SMARCA2: variants seen among roughly 807,000 people sequenced by gnomAD.
The protein encoded by SMARCA2 is SWI/SNF related BAF chromatin remodeling complex subunit ATPase 2.
A neutral mutation model predicts 199.8 loss-of-function variants in SMARCA2; 61 were observed. That is an observed-to-expected ratio of 0.31 (90% CI 0.25 to 0.38). SMARCA2 has a LOEUF of 0.38. Among genes scored for constraint, SMARCA2 ranks in the 10% least tolerant of loss-of-function variants. The pLI is 1.00. For missense variants in SMARCA2, 1,344 were observed against 2,012.2 expected, an observed-to-expected ratio of 0.67 and a Z score of 6.35; for synonymous variants, 935 against 732.0, an observed-to-expected ratio of 1.28 and a Z score of -4.48.
intron 29 of SMARCA2, among the ~76,000 whole-genome samples, chr9:2,176,203 T>TTTTTTTTA (rs57519167): frequency 4.0e-4 from 58 of 145,868 alleles, no homozygotes; most frequent in Middle Eastern, 3.4e-3. Context: ...TTTTTTTTTT[T>TTTTTTTTA]ATAATGACGT....
At chr9:2,147,241 C>CAAA (rs5895958) in intron 27 of SMARCA2, among the ~76,000 whole-genome samples, 1 of 106,518 alleles carries the variant, frequency 9.4e-6, no homozygotes, top group Non-Finnish European at 2.0e-5. Context: ...ACTGAGTGAC[C>CAAA]AAAAAAAAAA....
At chr9:2,190,074 C>T (rs1286977690) in intron 32 of SMARCA2, among the ~76,000 whole-genome samples, 1 of 152,170 alleles carries the variant, frequency 6.6e-6, no homozygotes, top group Non-Finnish European at 1.5e-5. Flanking sequence ...TCTGTGGATA[C>T]CTATCCCAAA....
intron 27 of SMARCA2, among the ~76,000 whole-genome samples, chr9:2,127,848 TA>T (rs1336017629): frequency 2.0e-5 from 3 of 152,376 alleles, no homozygotes; most frequent in African/African-American, 7.2e-5. Flanking sequence ...CATGGCATGC[TA>T]AAAATTCCTA....
At chr9:2,040,395 A>G (rs533277518) in intron 4 of SMARCA2, 1 of 170,276 alleles carries the variant, frequency 5.9e-6, no homozygotes, top group South Asian at 2.0e-4. Context: ...AAAATCAGCA[A>G]CAAGGGAAAA....
At position 2,170,401 on chromosome 9, in the gene SMARCA2, C is replaced by G. The variant is rs1826185109; in HGVS notation, c.4200-18C>G. On this transcript the variant is annotated intron_variant, in intron 28 of 33. Coordinates refer to ENST00000349721, the MANE Select transcript of SMARCA2 (RefSeq NM_003070.5). The surrounding 1 kb of genome is among the most constrained non-coding windows in gnomAD (Gnocchi z 4.7). The stretch of plus-strand genomic sequence containing the variant: ...ACCCAGGTCTTCTGACTCTAGTGTT[C>G]TTTCTACTCTACCGCAGGTGTAACG... 6.2e-7 allele frequency: 1 copy of G among 1,614,024 alleles called. No homozygotes were observed. The highest frequency in any genetic ancestry group is 2.2e-5 in the East Asian group (1 of 44,858).
At chr9:2,114,487 C>A (rs1409447531) in intron 24 of SMARCA2, among the ~76,000 whole-genome samples, 1 of 152,164 alleles carries the variant, frequency 6.6e-6, no homozygotes, top group Non-Finnish European at 1.5e-5. Context: ...CAGCTCTCTG[C>A]AAATTATGGT....
At position 2,170,167 on chromosome 9, in the gene SMARCA2, CAG is replaced by C. The variant is rs1420497872; in HGVS notation, c.4200-251_4200-250del. Among the ~76,000 whole-genome samples, 1 of 152,156 alleles carries C rather than the reference CAG, an allele frequency of 6.6e-6. No individual in the cohort carries two copies. Among genetic ancestry groups the C allele is most frequent in the Non-Finnish European group, 1.5e-5 (1 of 68,038 alleles). Reference sequence around the variant, plus strand: ...GAACATGTAAGAGGGAACAGGGTAACAGGAATTTCTGTGTGTGACGGAAGTAG... The same window carrying C: ...GAACATGTAAGAGGGAACAGGGTAACGAATTTCTGTGTGTGACGGAAGTAG... On this transcript the variant is annotated intron_variant, in intron 28 of 33. Coordinates refer to ENST00000349721, the MANE Select transcript of SMARCA2 (RefSeq NM_003070.5). The surrounding 1 kb of genome is among the most constrained non-coding windows in gnomAD (Gnocchi z 4.7).
chr9:2,181,470 G>A (rs1563835450), intron 29 of SMARCA2, 101 bp from the exon 30 acceptor site: 3 of 698,442 alleles, frequency 4.3e-6, no homozygotes, highest in African/African-American at 3.6e-5. Flanking sequence ...TATATGCGTG[G>A]AATATAATTT....
Position 2,105,505 on chromosome 9 carries a change from C to T in SMARCA2, c.3292+1336C>T, listed in dbSNP as rs914518782. 3.3e-5 allele frequency among the ~76,000 whole-genome samples: 5 copies of T among 152,162 alleles called. No individual in the cohort carries two copies. The South Asian group carries it at 6.2e-4, about 19-fold the overall frequency. Reference sequence around the variant, plus strand: ...CTGACCTCAAGTGATCCACCTGCCTCGGCCTCCCACAGTGTTGGGATTACA... The same window carrying T: ...CTGACCTCAAGTGATCCACCTGCCTTGGCCTCCCACAGTGTTGGGATTACA... On this transcript the variant is annotated intron_variant, in intron 23 of 33. Transcript: ENST00000349721.
At chr9:2,126,424 C>G (rs1024012973) in intron 27 of SMARCA2, among the ~76,000 whole-genome samples, 3 of 152,226 alleles carry the variant, frequency 2.0e-5, no homozygotes, top group African/African-American at 7.2e-5. Flanking sequence ...CCTAAGCATT[C>G]AAAGTAGATG....
In SMARCA2 at chr9:2,115,015, A is replaced by C. The variant is rs1355308100; in HGVS notation, c.3457-807A>C. ...TATAGTAGGATACTATAATTCATTTAACTAATTCAGTATTGTTGAATGTTT... is the reference window on the plus strand; with the variant it reads ...TATAGTAGGATACTATAATTCATTTCACTAATTCAGTATTGTTGAATGTTT... On this transcript the variant is annotated intron_variant, in intron 24 of 33. Coordinates refer to ENST00000349721, the MANE Select transcript of SMARCA2 (RefSeq NM_003070.5). The surrounding 1 kb of genome is among the most constrained non-coding windows in gnomAD (Gnocchi z 6.0). 6.6e-6 allele frequency among the ~76,000 whole-genome samples: 1 copy of C among 152,186 alleles called. No homozygotes were observed. Among genetic ancestry groups the C allele is most frequent in the Non-Finnish European group, 1.5e-5 (1 of 68,038 alleles).
rs149236758 is a variant in SMARCA2, at chr9:2,056,846, G to A, written c.1347+1G>A. The A allele has an allele frequency of 6.2e-7, 1 of 1,611,040 alleles. No homozygotes were observed. The highest frequency in any genetic ancestry group is 1.3e-5 in the African/African-American group (1 of 74,566). On this transcript the variant is annotated splice_donor_variant, in intron 7 of 33. Transcript: ENST00000349721. LOFTEE classifies it high-confidence loss of function. The surrounding 1 kb of genome is among the most constrained non-coding windows in gnomAD (Gnocchi z 4.0). ...GAGGAAACGCCGTCAGAAACACCAG[G>A]TTCTTAGACCCTGGGCTTTGCTCAC...
intron 4 of SMARCA2, chr9:2,045,520 T>C (rs972033630): frequency 6.6e-6 from 1 of 152,192 alleles, no homozygotes; most frequent in African/African-American, 2.4e-5. Context: ...TATTTACAAA[T>C]TGGTTTCTTA....
At chr9:2,136,826 G>C (rs1425037122) in intron 27 of SMARCA2, among the ~76,000 whole-genome samples, 1 of 152,166 alleles carries the variant, frequency 6.6e-6, no homozygotes, top group African/African-American at 2.4e-5. Context: ...ACTTTTAGGG[G>C]TTTAAGCTGT....
chr9:2,015,590 A>G (rs1818319192), intron 1 of SMARCA2, among the ~76,000 whole-genome samples, 186 bp downstream of exon 1: 1 of 151,818 alleles, frequency 6.6e-6, no homozygotes, highest in South Asian at 2.1e-4. Flanking sequence ...CCGCGACAAA[A>G]AAAAGCCCGC....
chr9:2,080,715 G>A (rs1228111482), intron 14 of SMARCA2, among the ~76,000 whole-genome samples: 2 of 152,190 alleles, frequency 1.3e-5, no homozygotes, highest in African/African-American at 4.8e-5. Context: ...ATGGTACAAA[G>A]TATCTCAAGT....
intron 27 of SMARCA2, among the ~76,000 whole-genome samples, chr9:2,127,677 G>A (rs6475508): frequency 0.31 from 46,750 of 152,104 alleles, 12,086 homozygotes; most frequent in African/African-American, 0.7. Context: ...CAGCTGCAAA[G>A]GAGATGGAAA....
In SMARCA2 at chr9:2,047,242, G is replaced by A; in HGVS notation, c.804G>A (p.Glu268=). 3 of 1,009,282 alleles carry A rather than the reference G, an allele frequency of 3.0e-6. No individual in the cohort carries two copies. The highest frequency in any genetic ancestry group is 9.0e-5 in the South Asian group (2 of 22,192). The allele number at this position is 1,009,282 out of a possible 1,614,324, so 62.5% of individuals were successfully genotyped here. The stretch of plus-strand genomic sequence containing the variant: ...CTTGTCCCGCAGGCCCGGGGCCGGA[G>A]CTGAGCGGCCCGAGCACCCCGCAGA... The part of the protein sequence containing the change: ...NYNRPSGPGP[E]LSGPSTPQKL... The change falls in exon 5 of 34, where the codon GAG becomes GAA. Residue 268 remains glutamate, a synonymous_variant. Coordinates refer to ENST00000349721, the MANE Select transcript of SMARCA2 (RefSeq NM_003070.5).
intron 3 of SMARCA2, among the ~76,000 whole-genome samples, chr9:2,034,074 G>A (rs1420777427): frequency 2.6e-5 from 4 of 151,900 alleles, no homozygotes; most frequent in South Asian, 2.1e-4. Context: ...GTGAAACCCC[G>A]TCTCTAGTAA....
Sources: gnomAD v4.1 joint callset for allele counts (sites outside exome capture counted in the v4.1 genomes callset) on GRCh38, gnomAD v4.1.1 for gene constraint, Gnocchi (gnomAD v3.1) non-coding constraint, MANE v1.5 for transcripts, NCBI Gene and HGNC (gene_info 2026-07-23, HGNC 2026-07-21) for gene names.